Variants in CFAP251 observed in about 807,000 individuals in gnomAD.
CFAP251 encodes cilia- and flagella-associated protein 251.
In CFAP251, 93 loss-of-function variants were observed where a neutral mutation model predicts 126.7. The observed-to-expected ratio is 0.73, with a 90% CI of 0.62 to 0.87. The LOEUF (loss-of-function observed/expected upper bound fraction) is 0.87. Ranked by LOEUF, CFAP251 falls within the 40% of genes least tolerant of loss-of-function variation. The probability of loss-of-function intolerance (pLI) is 0.00; values close to 1 mark genes in which losing one functional copy is unlikely to be tolerated. For missense variants in CFAP251, 1,287 were observed against 1,389.2 expected, an observed-to-expected ratio of 0.93 and a Z score of 1.17; for synonymous variants, 503 against 506.9, an observed-to-expected ratio of 0.99 and a Z score of 0.10.
At chr12:122,003,590 C>G in intron 21 of CFAP251, 62 bp from the exon 22 acceptor site, 1 of 1,419,470 alleles carries the variant, frequency 7.0e-7, no homozygotes, top group Non-Finnish European at 9.8e-7. Flanking sequence ...TCCCCTCACC[C>G]AAAAAAGAAA....
chr12:121,983,412 A>T (rs1292366941), intron 19 of CFAP251, among the ~76,000 whole-genome samples: 1 of 151,136 alleles, frequency 6.6e-6, no homozygotes, highest in East Asian at 1.9e-4. Context: ...AAAAAAAAAA[A>T]GGTAAGGAAG....
chr12:121,961,873 G>A (rs1252671618), intron 14 of CFAP251, 105 bp from the exon 15 acceptor site: 1 of 1,213,298 alleles, frequency 8.2e-7, no homozygotes, highest in Non-Finnish European at 1.2e-6. Flanking sequence ...GAACAGCACT[G>A]TTGGCTGATA....
At chr12:121,960,875 A>G in intron 14 of CFAP251, 117 bp downstream of exon 14, 2 of 1,239,352 alleles carry the variant, frequency 1.6e-6, no homozygotes, top group Non-Finnish European at 2.2e-6. Flanking sequence ...GAGAAAATGA[A>G]TGCACAGTGA....
intron 19 of CFAP251, chr12:121,992,596 G>T (rs928521022): frequency 1.3e-6 from 1 of 758,992 alleles, no homozygotes; most frequent in Non-Finnish European, 1.6e-6. Flanking sequence ...TTCAGACAGG[G>T]TCTTACTCCT....
chr12:121,951,730 T>G (rs1881533648), intron 9 of CFAP251, among the ~76,000 whole-genome samples, 200 bp downstream of exon 9: 1 of 152,164 alleles, frequency 6.6e-6, no homozygotes, highest in African/African-American at 2.4e-5. Context: ...AAATAATTTT[T>G]TTTTTTGAGA....
chr12:121,960,002 A>G (rs1283115525), intron 13 of CFAP251, among the ~76,000 whole-genome samples: 5 of 152,048 alleles, frequency 3.3e-5, no homozygotes, highest in African/African-American at 7.2e-5. Flanking sequence ...GTATGGTGGC[A>G]TGTGCCTGTA....
chr12:122,000,689 A>G (rs1214128377), intron 20 of CFAP251, among the ~76,000 whole-genome samples: 2 of 152,152 alleles, frequency 1.3e-5, no homozygotes, highest in African/African-American at 4.8e-5. Context: ...GATGTCAAGT[A>G]AACTCTCTTG....
intron 3 of CFAP251, among the ~76,000 whole-genome samples, chr12:121,927,369 T>C (rs1356512283): frequency 6.6e-6 from 1 of 152,078 alleles, no homozygotes; most frequent in Non-Finnish European, 1.5e-5. Flanking sequence ...CTATCTTGGC[T>C]CTCTGCAACC....
rs1381788057 is a variant in CFAP251, at chr12:121,918,997, T to A, written c.-21+302T>A. Among the ~76,000 whole-genome samples, 1 of 152,180 alleles carries A rather than the reference T, an allele frequency of 6.6e-6. No homozygotes were observed. Among genetic ancestry groups the A allele is most frequent in the East Asian group, 1.9e-4 (1 of 5,160 alleles). ...TCGGTGGTGAGAGCCCTAGACTTGA[T>A]TCAGAGCAGTGATTTTTCAGCTGGA... On this transcript the variant is annotated intron_variant, in intron 1 of 21. Transcript: ENST00000288912. This position sits in a 1 kb window ranked among gnomAD's most constrained non-coding sequence, Gnocchi z 4.3.
chr12:121,936,531 A>ACT (rs1880901197), intron 5 of CFAP251, among the ~76,000 whole-genome samples: 1 of 144,580 alleles, frequency 6.9e-6, no homozygotes, highest in African/African-American at 2.9e-5. Context: ...AGTGCTGGGC[A>ACT]AGATGATGCC....
chr12:121,992,451 T>A, intron 19 of CFAP251: 1 of 985,418 alleles, frequency 1.0e-6, no homozygotes, highest in South Asian at 4.7e-5. Context: ...TCTTTGGAAC[T>A]CTCTGGGTAT....
intron 7 of CFAP251, among the ~76,000 whole-genome samples, chr12:121,945,987 A>G (rs1228204534): frequency 2.6e-5 from 4 of 152,208 alleles, no homozygotes; most frequent in Non-Finnish European, 4.4e-5. Context: ...TAATTAAAAT[A>G]TTACATCACT....
At chr12:121,969,796 G>A in intron 17 of CFAP251, 1 of 985,400 alleles carries the variant, frequency 1.0e-6, no homozygotes, top group South Asian at 4.7e-5. Context: ...CTTCTGAAAT[G>A]TTTGTCTTCT....
At chr12:121,954,375 A>T in intron 10 of CFAP251, 41 bp downstream of exon 10, 1 of 1,527,608 alleles carries the variant, frequency 6.5e-7, no homozygotes. Context: ...GGATAATTAT[A>T]AAAATATTTT....
At chr12:121,928,626 G>GTGTGTATATA (rs148145141) in intron 3 of CFAP251, among the ~76,000 whole-genome samples, 1,798 of 43,184 alleles carry the variant, frequency 0.042, 66 homozygotes, top group South Asian at 0.22. Context: ...ATGTATATGT[G>GTGTGTATATA]TATATATATA....
In CFAP251 at chr12:121,923,740, CT is replaced by C. The variant is rs766980418; in HGVS notation, c.498del (p.Glu167ArgfsTer83). 14 of 1,614,028 alleles carry C rather than the reference CT, an allele frequency of 8.7e-6. No individual in the cohort carries two copies. Among genetic ancestry groups the C allele is most frequent in the Non-Finnish European group, 1.1e-5 (13 of 1,180,044 alleles). The part of the protein sequence containing the change: ...IEFLDLDQIS[P>X]EEQQISSPER... ...TTTCTTGATTTGGATCAAATCAGTC[CT>C]GAGGAACAACAGATTAGTTCCCCTG... On this transcript the variant is annotated frameshift_variant, in exon 3 of 22. Coordinates refer to ENST00000288912, the MANE Select transcript of CFAP251 (RefSeq NM_144668.6). LOFTEE classifies it high-confidence loss of function.
At chr12:121,970,719 C>G (rs959438786) in intron 17 of CFAP251, among the ~76,000 whole-genome samples, 13 of 152,206 alleles carry the variant, frequency 8.5e-5, no homozygotes, top group African/African-American at 1.4e-4. Context: ...TCGTTGGGAT[C>G]GCATGTAGCT....
chr12:122,003,326 C>G (rs1257067635), intron 21 of CFAP251, among the ~76,000 whole-genome samples: 3 of 152,140 alleles, frequency 2.0e-5, no homozygotes, highest in African/African-American at 7.2e-5. Context: ...AATCCCAGCG[C>G]TTTGGGAGTC....
intron 7 of CFAP251, among the ~76,000 whole-genome samples, chr12:121,946,744 C>CTAA (rs1881340314): frequency 6.6e-6 from 1 of 151,640 alleles, no homozygotes; most frequent in Non-Finnish European, 1.5e-5. Flanking sequence ...TCACACCTGG[C>CTAA]TAATTTTTTT....
Sources: allele counts gnomAD v4.1 joint callset (sites outside exome capture counted in the v4.1 genomes callset), GRCh38; gene constraint gnomAD v4.1.1; non-coding constraint Gnocchi (gnomAD v3.1); transcripts MANE v1.5; gene names NCBI Gene and HGNC (gene_info 2026-07-23, HGNC 2026-07-21).